Variants in GRPEL1 observed in about 807,000 individuals in gnomAD.
The protein encoded by GRPEL1 is grpE protein homolog 1, mitochondrial.
A neutral mutation model predicts 22.1 loss-of-function variants in GRPEL1; 13 were observed. That is an observed-to-expected ratio of 0.59 (90% CI 0.38 to 0.94). The LOEUF is 0.94. GRPEL1 is among the 40% of genes least tolerant of loss of function. GRPEL1 has a pLI of 0.00. For synonymous variants in GRPEL1, 109 were observed against 105.3 expected, an observed-to-expected ratio of 1.03 and a Z score of -0.21; for missense variants, 289 against 264.6, an observed-to-expected ratio of 1.09 and a Z score of -0.64.
In GRPEL1 at chr4:7,059,717, C is replaced by CT. The variant is rs1194118761; in HGVS notation, c.*1144dup. On this transcript the variant is annotated 3_prime_UTR_variant, in exon 4 of 4. Coordinates refer to ENST00000264954, the MANE Select transcript of GRPEL1 (RefSeq NM_025196.4). ...CAAAGGCAGCGAAAGGTTCTTTTCT[C>CT]TTTTTTGTAACAGACGCCAATCATT... The CT allele has an allele frequency of 6.6e-6, 1 of 152,236 alleles. No individual in the cohort carries two copies. Among genetic ancestry groups the CT allele is most frequent in the Non-Finnish European group, 1.5e-5 (1 of 68,040 alleles). 9.4% of individuals were successfully genotyped at this position (152,236 alleles called of 1,614,324 possible). A position where few individuals can be genotyped will look rare whatever the true frequency, so the allele number is the denominator to read the frequency against.
Position 7,062,465 on chromosome 4 carries a change from T to C in GRPEL1, c.227A>G (p.Glu76Gly). The C allele has an allele frequency of 1.3e-6, 2 of 1,493,208 alleles. No homozygotes were observed. Among genetic ancestry groups the C allele is most frequent in the Non-Finnish European group, 1.8e-6 (2 of 1,103,070 alleles). 92.5% of individuals were successfully genotyped at this position (1,493,208 alleles called of 1,614,324 possible). A position where few individuals can be genotyped will look rare whatever the true frequency, so the allele number is the denominator to read the frequency against. ...KLEEQLKETV[E>G]KYKRALADTE... ...GTCTGCCAAAGCTCGTTTATATTTT[T>C]CCTAAAAGAGAAAAAAAGGGATATT... The change falls in exon 3 of 4, where the codon GAA becomes GGA. Residue 76 changes from glutamate (E) to glycine (G), a missense_variant and splice_region_variant. Glu to Gly is a moderately conservative substitution (Grantham distance 98, BLOSUM62 -2). Coordinates refer to ENST00000264954, the MANE Select transcript of GRPEL1 (RefSeq NM_025196.4).
chr4:7,064,291 C>T (rs1055267692), intron 1 of GRPEL1, 68 bp from the exon 2 acceptor site: 1 of 1,490,646 alleles, frequency 6.7e-7, no homozygotes, highest in Non-Finnish European at 9.1e-7. Context: ...AGATGTATGA[C>T]TTTAGAAACT....
intron 2 of GRPEL1, among the ~76,000 whole-genome samples, chr4:7,062,667 A>G (rs1724074715): frequency 6.6e-6 from 1 of 151,746 alleles, no homozygotes; most frequent in African/African-American, 2.4e-5. Context: ...GCCTGCCACC[A>G]CGCCCAGCTA....
chr4:7,061,353 A>C lies in GRPEL1; in HGVS notation c.308-145T>G, dbSNP rs888193616. The stretch of plus-strand genomic sequence containing the variant: ...GAATTCCAATGGCTCAATAACTTTA[A>C]AAAACAACACAAAACTCTCAAAAGC... On this transcript the variant is annotated intron_variant, in intron 3 of 3. Transcript: ENST00000264954. 3 of 633,038 alleles carry C rather than the reference A, an allele frequency of 4.7e-6. No individual in the cohort carries two copies. In the Admixed American group the frequency reaches 9.6e-5, roughly 20 times the overall value. The allele number at this position is 633,038 out of a possible 1,614,324, so 39.2% of individuals were successfully genotyped here.
rs1035357546 is a variant in GRPEL1 at position 7,060,707 on chromosome 4, A to T, written c.*155T>A. On this transcript the variant is annotated 3_prime_UTR_variant, in exon 4 of 4. Coordinates refer to ENST00000264954, the MANE Select transcript of GRPEL1 (RefSeq NM_025196.4). ...CTCCCGAATTAGAGTTCATTAATGC[A>T]GTTGGGCAACCGGCTTTTCTGTTTA... 2.9e-6 allele frequency: 2 copies of T among 694,860 alleles called. No homozygotes were observed. Among genetic ancestry groups the T allele is most frequent in the Admixed American group, 4.9e-5 (2 of 41,144 alleles). The allele number at this position is 694,860 out of a possible 1,614,324, so 43.0% of individuals were successfully genotyped here.
chr4:7,065,856 C>CTTTTTT (rs11449578), intron 1 of GRPEL1, among the ~76,000 whole-genome samples: 2 of 142,116 alleles, frequency 1.4e-5, no homozygotes, highest in African/African-American at 2.6e-5. Flanking sequence ...CAGAGGACCT[C>CTTTTTT]TTTTTTTTTT....
Position 7,061,153 on chromosome 4 carries a change from T to C in GRPEL1, c.363A>G (p.Ala121=). 6.2e-7 allele frequency: 1 copy of C among 1,614,124 alleles called. No individual in the cohort carries two copies. Among genetic ancestry groups the C allele is most frequent in the Non-Finnish European group, 8.5e-7 (1 of 1,180,012 alleles). The change falls in exon 4 of 4, where the codon GCA becomes GCG. Residue 121 remains alanine (A), a synonymous_variant. Transcript: ENST00000264954. ...LLEVADVLEK[A]TQCVPKEEIK... ...TTTCTTCTTTTGGAACACACTGTGT[T>C]GCCTTCTCCAGAACGTCTGCCACCT...
rs934266218 is a variant in GRPEL1, at chr4:7,060,479, C to T, written c.*383G>A. 2.6e-5 allele frequency: 5 copies of T among 192,158 alleles called. No homozygotes were observed. Among genetic ancestry groups the T allele is most frequent in the African/African-American group, 4.7e-5 (2 of 43,008 alleles). The allele number at this position is 192,158 out of a possible 1,614,324, so 11.9% of individuals were successfully genotyped here. On this transcript the variant is annotated 3_prime_UTR_variant, in exon 4 of 4. Transcript: ENST00000264954. ...CTAAATACGCCAGTCACTCATGCGC[C>T]GCAGGGACACATGGTGCAGACTGGC...
At chr4:7,066,536 T>C (rs1335228036) in intron 1 of GRPEL1, among the ~76,000 whole-genome samples, 2 of 151,960 alleles carry the variant, frequency 1.3e-5, no homozygotes, top group Admixed American at 6.6e-5. Flanking sequence ...GCCATGGGGG[T>C]GGAGAGCGAT....
chr4:7,062,504 ATATATATAT>A (rs1560400131), intron 2 of GRPEL1, 38 bp from the exon 3 acceptor site: 2 of 594,310 alleles, frequency 3.4e-6, no homozygotes, highest in Admixed American at 8.8e-5. Context: ...ATATATATAT[ATATATATAT>A]ATCTTTTTTT....
chr4:7,063,117 C>T (rs1175383075), intron 2 of GRPEL1, among the ~76,000 whole-genome samples: 2 of 149,480 alleles, frequency 1.3e-5, no homozygotes, highest in Non-Finnish European at 3.0e-5. Context: ...TTTTCTGAGA[C>T]AGGGTCTTGC....
Position 7,062,574 on chromosome 4 carries a change from T to TGG in GRPEL1, c.226-109_226-108insCC, listed in dbSNP as rs1560400263. 17 of 245,800 alleles carry TGG rather than the reference T, an allele frequency of 6.9e-5. No individual in the cohort carries two copies. In the South Asian group the frequency reaches 1.9e-3, roughly 27 times the overall value. The allele number at this position is 245,800 out of a possible 1,614,324, so 15.2% of individuals were successfully genotyped here. A position where few individuals can be genotyped will look rare whatever the true frequency, so the allele number is the denominator to read the frequency against. ...TCGCTCAGGCTGGAGTGCAGTGGCA[T>TGG]GATCTCAGCTCACTGCAAGCTCCGC... On this transcript the variant is annotated intron_variant, in intron 2 of 3. Coordinates refer to ENST00000264954, the MANE Select transcript of GRPEL1 (RefSeq NM_025196.4).
rs752392769 is a variant in GRPEL1 at position 7,062,494 on chromosome 4, A to G, written c.226-28T>C. 1.1e-3 allele frequency: 48 copies of G among 44,530 alleles called. 4 individuals are homozygous for G. Among genetic ancestry groups the G allele is most frequent in the African/African-American group, 3.9e-3 (36 of 9,230 alleles). The allele number at this position is 44,530 out of a possible 1,614,324, so 2.8% of individuals were successfully genotyped here. ...AAAAGAGAAAAAAAGGGATATTTATATATATATATATATATATATATCTTT... is the reference window on the plus strand; with the variant it reads ...AAAAGAGAAAAAAAGGGATATTTATGTATATATATATATATATATATCTTT... On this transcript the variant is annotated intron_variant, in intron 2 of 3. Transcript: ENST00000264954.
rs1724026961 is a variant in GRPEL1 at position 7,060,915 on chromosome 4, G to A, written c.601C>T (p.Leu201=). The part of the protein sequence containing the change: ...VALVSKVGYK[L]HGRTLRPALV... ...GCGGGTCTCAGAGTGCGCCCATGCA[G>A]CTTGTACCCCACTTTGCTAACTAGG... The change falls in exon 4 of 4, where the codon CTG becomes TTG. Residue 201 remains leucine (L), a synonymous_variant. Transcript: ENST00000264954. 2.5e-6 allele frequency: 4 copies of A among 1,614,178 alleles called. No individual in the cohort carries two copies. Among genetic ancestry groups the A allele is most frequent in the Non-Finnish European group, 3.4e-6 (4 of 1,180,022 alleles).
intron 1 of GRPEL1, 132 bp from the exon 2 acceptor site, chr4:7,064,355 A>C (rs1724111865): frequency 1.1e-6 from 1 of 883,996 alleles, no homozygotes; most frequent in East Asian, 2.7e-5. Flanking sequence ...TTTCTGTTAG[A>C]TCTAATAAAG....
At chr4:7,061,594 G>A in intron 3 of GRPEL1, 1 of 197,998 alleles carries the variant, frequency 5.1e-6, no homozygotes, top group Non-Finnish European at 1.1e-5. Context: ...AGTCACCCAG[G>A]GAGCACAGCA....
Position 7,060,740 on chromosome 4 carries a change from GT to G in GRPEL1, c.*121del. On this transcript the variant is annotated 3_prime_UTR_variant, in exon 4 of 4. Transcript: ENST00000264954. ...AACCGGCTTTTCTGTTTAGCCACTG[GT>G]TACTTAAGGTTTCCAATAAGGTTTG... is the stretch of plus-strand genomic sequence containing the variant. The G allele has an allele frequency of 1.1e-6, 1 of 888,300 alleles. No homozygotes were observed. The highest frequency in any genetic ancestry group is 1.8e-6 in the Non-Finnish European group (1 of 569,492). 55.0% of individuals were successfully genotyped at this position (888,300 alleles called of 1,614,324 possible).
chr4:7,063,559 G>C (rs576912586), intron 2 of GRPEL1, among the ~76,000 whole-genome samples: 2 of 152,306 alleles, frequency 1.3e-5, no homozygotes, highest in Middle Eastern at 3.4e-3. Flanking sequence ...CATATGTAAC[G>C]GGTTTGGAAT....
intron 1 of GRPEL1, among the ~76,000 whole-genome samples, chr4:7,066,427 A>G (rs888753217): frequency 2.0e-5 from 3 of 152,264 alleles, no homozygotes; most frequent in Non-Finnish European, 2.9e-5. Context: ...TACACAAAAC[A>G]GGATCCTATT....
Sources: gnomAD v4.1 joint callset for allele counts (sites outside exome capture counted in the v4.1 genomes callset) on GRCh38, gnomAD v4.1.1 for gene constraint, MANE v1.5 for transcripts, NCBI Gene and HGNC (gene_info 2026-07-23, HGNC 2026-07-21) for gene names.